The following RANBP17 variants were observed in gnomAD, a reference collection of about 807,000 sequenced individuals.
The protein encoded by RANBP17 is ran-binding protein 17.
Under a neutral mutation model 141.2 loss-of-function variants are expected in RANBP17, and 158 were observed. The ratio of observed to expected loss-of-function variants is 1.12; its 90% CI spans 0.98 to 1.28. The LOEUF (loss-of-function observed/expected upper bound fraction) is 1.28. RANBP17 is among the 50% of genes most tolerant of loss of function. The probability of loss-of-function intolerance (pLI) is 0.00; values close to 1 mark genes in which losing one functional copy is unlikely to be tolerated. For synonymous variants in RANBP17, 430 were observed against 450.0 expected, an observed-to-expected ratio of 0.96 and a Z score of 0.56; for missense variants, 1,438 against 1,290.7, an observed-to-expected ratio of 1.11 and a Z score of -1.75.
chr5:171,103,886 G>A (rs1787359267), intron 14 of RANBP17, among the ~76,000 whole-genome samples: 1 of 152,198 alleles, frequency 6.6e-6, no homozygotes, highest in Non-Finnish European at 1.5e-5. Flanking sequence ...CCTGGGTGAG[G>A]TGGTGCCCCA....
Position 171,087,477 on chromosome 5 carries a change from G to C in RANBP17, c.1711-82653G>C, listed in dbSNP as rs1285421614. Among the ~76,000 whole-genome samples, 4 of 151,498 alleles carry C rather than the reference G, an allele frequency of 2.6e-5. No homozygotes were observed. The South Asian group carries it at 8.4e-4, about 32-fold the overall frequency. ...TGGAGAGTAGTGTAGATGTCTATTA[G>C]GTCTGCTTGGTGCAGAGCTGAGTTC... is the stretch of plus-strand genomic sequence containing the variant. On this transcript the variant is annotated intron_variant, in intron 14 of 27. Transcript: ENST00000523189.
intron 14 of RANBP17, among the ~76,000 whole-genome samples, chr5:171,071,653 C>CAAAAAAAAAAAAAAA (rs34555837): frequency 1.4e-5 from 1 of 69,618 alleles, no homozygotes; most frequent in Non-Finnish European, 2.5e-5. Flanking sequence ...CAGCTTTATG[C>CAAAAAAAAAAAAAAA]AAAAAAAAAA....
intron 25 of RANBP17, among the ~76,000 whole-genome samples, chr5:171,291,860 G>C (rs923489796): frequency 6.6e-6 from 1 of 152,098 alleles, no homozygotes; most frequent in African/African-American, 2.4e-5. Flanking sequence ...TTTATTTTTA[G>C]AAAAGTGTTT....
intron 4 of RANBP17, among the ~76,000 whole-genome samples, chr5:170,892,787 G>A (rs1447595408): frequency 1.3e-5 from 2 of 152,098 alleles, no homozygotes; most frequent in African/African-American, 4.8e-5. Context: ...ATTTCAAAAT[G>A]TGTGTACATT....
chr5:171,157,508 T>C (rs953688458), intron 14 of RANBP17, among the ~76,000 whole-genome samples: 1 of 152,222 alleles, frequency 6.6e-6, no homozygotes, highest in Non-Finnish European at 1.5e-5. Context: ...GTGATGAACA[T>C]TGAAACTTGT....
chr5:170,961,131 T>C (rs1004773978), intron 13 of RANBP17, among the ~76,000 whole-genome samples: 1 of 152,194 alleles, frequency 6.6e-6, no homozygotes, highest in Non-Finnish European at 1.5e-5. Flanking sequence ...TATTAGGAAA[T>C]AGCATTTGTT....
chr5:171,296,723 G>A (rs1768846366), intron 27 of RANBP17, among the ~76,000 whole-genome samples: 1 of 152,196 alleles, frequency 6.6e-6, no homozygotes, highest in African/African-American at 2.4e-5. Flanking sequence ...GACCAGCCTG[G>A]CCAACAGGGT....
intron 11 of RANBP17, among the ~76,000 whole-genome samples, chr5:170,920,596 T>C (rs1219055717): frequency 6.6e-6 from 1 of 152,018 alleles, no homozygotes; most frequent in Non-Finnish European, 1.5e-5. Context: ...ATATTTTCTG[T>C]GTTGTTTGCC....
chr5:171,080,051 AC>A (rs1212746058), intron 14 of RANBP17, among the ~76,000 whole-genome samples: 1 of 152,044 alleles, frequency 6.6e-6, no homozygotes, highest in African/African-American at 2.4e-5. Flanking sequence ...CATTTTTTTT[AC>A]CCTTCGGATC....
At chr5:170,923,933 C>T (rs775292768) in intron 11 of RANBP17, among the ~76,000 whole-genome samples, 6 of 151,812 alleles carry the variant, frequency 4.0e-5, no homozygotes, top group Non-Finnish European at 8.8e-5. Flanking sequence ...ATGCCATCTT[C>T]AGATATAGAC....
At chr5:170,926,026 A>G (rs375752649) in intron 12 of RANBP17, among the ~76,000 whole-genome samples, 43 of 152,184 alleles carry the variant, frequency 2.8e-4, no homozygotes, top group African/African-American at 9.7e-4. Context: ...TTATATATTC[A>G]GCTTTAGTAG....
At chr5:170,964,553 C>A (rs972802187) in intron 13 of RANBP17, among the ~76,000 whole-genome samples, 2 of 152,108 alleles carry the variant, frequency 1.3e-5, no homozygotes, top group African/African-American at 4.8e-5. Context: ...CCACCTCCCC[C>A]CACCCCACAA....
chr5:171,018,499 TTTTA>T (rs1200511524), intron 14 of RANBP17, among the ~76,000 whole-genome samples: 1 of 152,164 alleles, frequency 6.6e-6, no homozygotes, highest in African/African-American at 2.4e-5. Flanking sequence ...TTCGTAGGTA[TTTTA>T]TTTTCTTTGT....
At chr5:171,231,100 CT>C (rs367751794) in intron 22 of RANBP17, among the ~76,000 whole-genome samples, 1,803 of 120,036 alleles carry the variant, frequency 0.015, 30 homozygotes, top group African/African-American at 0.049. Context: ...CCATGCCTGG[CT>C]TTTTTTTTTT....
intron 12 of RANBP17, among the ~76,000 whole-genome samples, chr5:170,953,343 G>A (rs539346176): frequency 1.6e-4 from 25 of 152,096 alleles, no homozygotes; most frequent in Non-Finnish European, 2.5e-4. Flanking sequence ...AGTAACTTAT[G>A]CAAGATCACA....
chr5:170,970,168 AC>A (rs912193067), intron 14 of RANBP17, among the ~76,000 whole-genome samples: 1 of 151,890 alleles, frequency 6.6e-6, no homozygotes, highest in African/African-American at 2.4e-5. Flanking sequence ...TTTCGTAAGT[AC>A]TATATATACA....
At chr5:171,266,077 A>G (rs1441095675) in intron 25 of RANBP17, among the ~76,000 whole-genome samples, 1 of 152,206 alleles carries the variant, frequency 6.6e-6, no homozygotes, top group African/African-American at 2.4e-5. Context: ...CAGTGGAGCT[A>G]GAATTCAAAA....
chr5:170,997,961 C>T (rs1000944205), intron 14 of RANBP17, among the ~76,000 whole-genome samples: 3 of 151,512 alleles, frequency 2.0e-5, no homozygotes, highest in East Asian at 3.9e-4. Context: ...TAAAAATGCC[C>T]TTCTTTGGCC....
At chr5:171,233,742 A>G (rs1014571503) in intron 22 of RANBP17, among the ~76,000 whole-genome samples, 1 of 152,208 alleles carries the variant, frequency 6.6e-6, no homozygotes, top group Non-Finnish European at 1.5e-5. Context: ...GTTAGGGGAC[A>G]GTGAAGGATG....
Sources: gnomAD v4.1 joint callset for allele counts (sites outside exome capture counted in the v4.1 genomes callset) on GRCh38, gnomAD v4.1.1 for gene constraint, MANE v1.5 for transcripts, NCBI Gene and HGNC (gene_info 2026-07-23, HGNC 2026-07-21) for gene names.